The following TNIK variants were observed in gnomAD, a reference collection of about 807,000 sequenced individuals.
TNIK encodes the protein TRAF2 and NCK-interacting protein kinase.
In TNIK, 49 loss-of-function variants were observed where a neutral mutation model predicts 191.3. The ratio of observed to expected loss-of-function variants is 0.26; its 90% confidence interval spans 0.20 to 0.32. TNIK has a LOEUF of 0.32. Ranked by LOEUF, TNIK falls within the 10% of genes least tolerant of loss-of-function variation. The probability of loss-of-function intolerance (pLI) is 1.00; values close to 1 mark genes in which losing one functional copy is unlikely to be tolerated. For synonymous variants in TNIK, 594 were observed against 600.9 expected, an observed-to-expected ratio of 0.99 and a Z score of 0.17; for missense variants, 1,155 against 1,702.3, an observed-to-expected ratio of 0.68 and a Z score of 5.66.
chr3:171,083,909 C>T (rs775031057), intron 26 of TNIK, among the ~76,000 whole-genome samples: 5 of 152,132 alleles, frequency 3.3e-5, no homozygotes, highest in African/African-American at 1.2e-4. Flanking sequence ...TAGCCTATCA[C>T]TATTGTGTGA....
intron 1 of TNIK, among the ~76,000 whole-genome samples, chr3:171,433,345 C>T (rs986191086): frequency 7.9e-5 from 12 of 152,154 alleles, no homozygotes; most frequent in African/African-American, 2.9e-4. Flanking sequence ...ATGCTGCTTT[C>T]AAGTGATACA....
chr3:171,100,004 A>C (rs1723244225), intron 22 of TNIK, among the ~76,000 whole-genome samples: 1 of 152,208 alleles, frequency 6.6e-6, no homozygotes, highest in Admixed American at 6.5e-5. Context: ...ACAAAATCCA[A>C]GTACGAACTT....
At chr3:171,402,620 G>A (rs1721095988) in intron 1 of TNIK, among the ~76,000 whole-genome samples, 1 of 152,102 alleles carries the variant, frequency 6.6e-6, no homozygotes, top group Non-Finnish European at 1.5e-5. Flanking sequence ...CTTACATCAA[G>A]GTTTAATCAC....
At chr3:171,112,974 G>T (rs1002813345) in intron 18 of TNIK, among the ~76,000 whole-genome samples, 1 of 152,094 alleles carries the variant, frequency 6.6e-6, no homozygotes, top group Non-Finnish European at 1.5e-5. Flanking sequence ...CCTAAGTTTG[G>T]GGTGTGTGCA....
intron 22 of TNIK, among the ~76,000 whole-genome samples, chr3:171,100,348 T>C (rs1723293100): frequency 6.6e-6 from 1 of 152,190 alleles, no homozygotes; most frequent in Non-Finnish European, 1.5e-5. Context: ...ATAACCAGTA[T>C]GGATTTTTCA....
intron 2 of TNIK, among the ~76,000 whole-genome samples, chr3:171,256,384 G>C (rs2109105489): frequency 6.6e-6 from 1 of 152,304 alleles, no homozygotes; most frequent in South Asian, 2.1e-4. Flanking sequence ...GTACAGTCGA[G>C]GGAGGCAGAG....
chr3:171,384,830 A>G (rs1718520434), intron 1 of TNIK, among the ~76,000 whole-genome samples: 2 of 152,218 alleles, frequency 1.3e-5, no homozygotes, highest in Non-Finnish European at 1.5e-5. Flanking sequence ...CATCGTTTAT[A>G]ATTTTTCTGA....
intron 1 of TNIK, among the ~76,000 whole-genome samples, chr3:171,385,750 T>G (rs1289271735): frequency 6.6e-6 from 1 of 152,136 alleles, no homozygotes; most frequent in Admixed American, 6.5e-5. Flanking sequence ...CTGTCAGAAA[T>G]GATAAAACAA....
chr3:171,358,148 T>C (rs867517532), intron 2 of TNIK, among the ~76,000 whole-genome samples: 1 of 152,168 alleles, frequency 6.6e-6, no homozygotes, highest in Non-Finnish European at 1.5e-5. Flanking sequence ...AGTTGATACA[T>C]TTAAGGTAAA....
Position 171,407,235 on chromosome 3 carries a change from C to A in TNIK, c.58-37550G>T, listed in dbSNP as rs1371694379. Among the ~76,000 whole-genome samples, 9 of 152,164 alleles carry A rather than the reference C, an allele frequency of 5.9e-5. No homozygotes were observed. The Middle Eastern group carries it at 0.01, about 173-fold the overall frequency. ...GGAGGCCTTCTGACAGAGGTCAGTGCTGGAAAAGGGGAAGGTGGGCACAAG... is the reference window on the plus strand; with the variant it reads ...GGAGGCCTTCTGACAGAGGTCAGTGATGGAAAAGGGGAAGGTGGGCACAAG... On this transcript the variant is annotated intron_variant, in intron 1 of 32. Coordinates refer to ENST00000436636, the MANE Select transcript of TNIK (RefSeq NM_015028.4).
At chr3:171,306,820 G>A (rs1175671104) in intron 2 of TNIK, among the ~76,000 whole-genome samples, 3 of 152,186 alleles carry the variant, frequency 2.0e-5, no homozygotes, top group Non-Finnish European at 2.9e-5. Context: ...GATTCCCAGC[G>A]ATTCCATGCT....
chr3:171,422,146 G>T (rs1295513045), intron 1 of TNIK, among the ~76,000 whole-genome samples: 1 of 152,102 alleles, frequency 6.6e-6, no homozygotes, highest in Non-Finnish European at 1.5e-5. Context: ...CTAGCAATGT[G>T]TCCACCAATT....
intron 2 of TNIK, among the ~76,000 whole-genome samples, chr3:171,266,334 T>C (rs1160013812): frequency 6.6e-6 from 1 of 152,180 alleles, no homozygotes; most frequent in Admixed American, 6.5e-5. Flanking sequence ...AGGATTCCAA[T>C]ATTATTTTAA....
intron 2 of TNIK, among the ~76,000 whole-genome samples, chr3:171,305,009 T>TA (rs36069177): frequency 0.031 from 2,408 of 77,200 alleles, 94 homozygotes; most frequent in African/African-American, 0.096. Context: ...AAAGTATAAT[T>TA]AAAAAAAAAA....
intron 12 of TNIK, among the ~76,000 whole-genome samples, chr3:171,154,350 G>A (rs1269825621): frequency 2.0e-5 from 3 of 152,050 alleles, no homozygotes; most frequent in Middle Eastern, 3.2e-3. Context: ...GACAATGTTA[G>A]GATGGTCTTG....
intron 1 of TNIK, among the ~76,000 whole-genome samples, chr3:171,397,598 C>T (rs13090694): frequency 0.48 from 72,466 of 151,984 alleles, 17,993 homozygotes; most frequent in African/African-American, 0.55. Context: ...GAAAATAAAA[C>T]ACCTCTTTGT....
Position 171,138,039 on chromosome 3 carries a change from T to C in TNIK, c.1608+152A>G, listed in dbSNP as rs530267930. Among the ~76,000 whole-genome samples, 7 of 148,536 alleles carry C rather than the reference T, an allele frequency of 4.7e-5. No individual in the cohort carries two copies. In the South Asian group the frequency reaches 1.5e-3, roughly 32 times the overall value. On this transcript the variant is annotated intron_variant, in intron 15 of 32. Coordinates refer to ENST00000436636, the MANE Select transcript of TNIK (RefSeq NM_015028.4). Reference sequence around the variant, plus strand: ...GTATCTTGCCATTTCTCTACAGAAATAATGTTATAGTTCTTGCAAAAGCAA... The same window carrying C: ...GTATCTTGCCATTTCTCTACAGAAACAATGTTATAGTTCTTGCAAAAGCAA...
chr3:171,336,186 A>C (rs1174016849), intron 2 of TNIK, among the ~76,000 whole-genome samples: 1 of 152,084 alleles, frequency 6.6e-6, no homozygotes, highest in Non-Finnish European at 1.5e-5. Context: ...AAACTAACAA[A>C]ATGGGTTTTT....
chr3:171,113,998 TA>T (rs10576485), intron 18 of TNIK, among the ~76,000 whole-genome samples: 49,122 of 139,292 alleles, frequency 0.35, 9,044 homozygotes, highest in African/African-American at 0.5. Flanking sequence ...ACGATTTTGT[TA>T]AAAAAAAAAA....
Sources: allele counts gnomAD v4.1 joint callset (sites outside exome capture counted in the v4.1 genomes callset), GRCh38; gene constraint gnomAD v4.1.1; transcripts MANE v1.5; gene names NCBI Gene and HGNC (gene_info 2026-07-23, HGNC 2026-07-21).